Variants in NHSL1 observed in about 807,000 individuals in gnomAD.
The protein encoded by NHSL1 is NHS-like protein 1.
NHSL1 carries 48 observed loss-of-function variants against 95.0 expected under a neutral mutation model. That is an observed-to-expected ratio of 0.51 (90% confidence interval 0.40 to 0.64). The LOEUF (loss-of-function observed/expected upper bound fraction) is 0.64, where lower values mean the gene tolerates loss of function less well. NHSL1 is among the 30% of genes least tolerant of loss of function. NHSL1 has a pLI of 0.00. For missense variants in NHSL1, 1,971 were observed against 2,077.7 expected (o/e 0.95, Z 1.00); for synonymous variants, 783 against 833.9 (o/e 0.94, Z 1.05).
chr6:138,496,827 TC>T (rs1306228245), intron 1 of NHSL1, among the ~76,000 whole-genome samples: 31 of 152,176 alleles, frequency 2.0e-4, no homozygotes, highest in African/African-American at 7.2e-4. Flanking sequence ...ACAAATATTC[TC>T]CCTCTACAGC....
chr6:138,691,876 C>T (rs975777456), intron 1 of NHSL1: 2 of 456,472 alleles, frequency 4.4e-6, no homozygotes, highest in Non-Finnish European at 8.8e-6. Context: ...TCACAAAGAG[C>T]TGGTGGGTCA....
At chr6:138,650,274 C>G (rs1253086601) in intron 1 of NHSL1, 6 of 659,722 alleles carry the variant, frequency 9.1e-6, no homozygotes, top group Non-Finnish European at 1.7e-5. Flanking sequence ...CAGGCTGGAG[C>G]CTTGGAAGAG....
chr6:138,464,204 G>A, intron 3 of NHSL1: 1 of 737,110 alleles, frequency 1.4e-6, no homozygotes, highest in South Asian at 1.7e-5. Flanking sequence ...CCTGACAGAG[G>A]CTGAGAGGCT....
At chr6:138,433,954 C>T (rs1775895985) in intron 5 of NHSL1, among the ~76,000 whole-genome samples, 1 of 152,110 alleles carries the variant, frequency 6.6e-6, no homozygotes, top group Admixed American at 6.5e-5. Flanking sequence ...CCTTCAAGAT[C>T]AAGGCTGCCA....
chr6:138,604,193 C>T (rs2114571474), intron 1 of NHSL1, among the ~76,000 whole-genome samples: 1 of 152,120 alleles, frequency 6.6e-6, no homozygotes, highest in Middle Eastern at 3.4e-3. Flanking sequence ...ACACCTTTCC[C>T]ATCAGTCAAC....
At chr6:138,596,790 C>T (rs956065311) in intron 1 of NHSL1, among the ~76,000 whole-genome samples, 2 of 152,050 alleles carry the variant, frequency 1.3e-5, no homozygotes, top group African/African-American at 4.8e-5. Flanking sequence ...GTTCTGAAAG[C>T]TTCCATGAGA....
chr6:138,449,808 G>A (rs779824154), intron 3 of NHSL1, among the ~76,000 whole-genome samples: 9 of 151,938 alleles, frequency 5.9e-5, no homozygotes, highest in East Asian at 1.9e-4. Flanking sequence ...AAAGGCATGT[G>A]GAAAAGATAA....
chr6:138,422,765 A>G lies in NHSL1; in HGVS notation c.*1316T>C, dbSNP rs928019497. 1 of 152,242 alleles carries G rather than the reference A, an allele frequency of 6.6e-6. No individual in the cohort carries two copies. The highest frequency in any genetic ancestry group is 1.5e-5 in the Non-Finnish European group (1 of 68,038). 9.4% of individuals were successfully genotyped at this position (152,242 alleles called of 1,614,324 possible). A position where few individuals can be genotyped will look rare whatever the true frequency, so the allele number is the denominator to read the frequency against. ...TAATTAGCAACTCAATTATTTATAA[A>G]CAAATATAAAAATGCACAAACCAAA... is the stretch of plus-strand genomic sequence containing the variant. On this transcript the variant is annotated 3_prime_UTR_variant, in exon 8 of 8. Coordinates refer to ENST00000343505, the MANE Select transcript of NHSL1 (RefSeq NM_001144060.2).
upstream of NHSL1, among the ~76,000 whole-genome samples, chr6:138,574,630 C>T (rs962225794): frequency 8.7e-5 from 13 of 148,758 alleles, no homozygotes; most frequent in African/African-American, 3.0e-4. Context: ...AGTTCAAGCT[C>T]GGCCTGGGAA....
intron 1 of NHSL1, among the ~76,000 whole-genome samples, chr6:138,521,892 G>GA (rs1432878460): frequency 1.3e-5 from 2 of 152,280 alleles, no homozygotes; most frequent in African/African-American, 4.8e-5. Context: ...AACATCAAGG[G>GA]AAAGAGGGCA....
At chr6:138,507,155 C>T (rs1295876755) in intron 1 of NHSL1, among the ~76,000 whole-genome samples, 1 of 152,210 alleles carries the variant, frequency 6.6e-6, no homozygotes, top group Non-Finnish European at 1.5e-5. Context: ...ACCGGCCAGG[C>T]ATCTCCCTAA....
intron 2 of NHSL1, among the ~76,000 whole-genome samples, chr6:138,492,776 G>A (rs745974671): frequency 3.3e-5 from 5 of 152,102 alleles, no homozygotes; most frequent in African/African-American, 9.7e-5. Context: ...ATTTAATGGC[G>A]ATGAAAAAGG....
At chr6:138,603,460 G>C (rs1784395925) in intron 1 of NHSL1, among the ~76,000 whole-genome samples, 1 of 152,118 alleles carries the variant, frequency 6.6e-6, no homozygotes, top group African/African-American at 2.4e-5. Context: ...TATGAGGTTT[G>C]GTGGTACCTG....
At chr6:138,453,991 AATC>A (rs1250053445) in intron 3 of NHSL1, among the ~76,000 whole-genome samples, 2 of 151,918 alleles carry the variant, frequency 1.3e-5, no homozygotes, top group African/African-American at 2.4e-5. Flanking sequence ...AGTTGTTTGT[AATC>A]ATATTTTAGA....
intron 2 of NHSL1, among the ~76,000 whole-genome samples, chr6:138,480,512 C>G (rs1779354923): frequency 6.6e-6 from 1 of 152,138 alleles, no homozygotes; most frequent in Non-Finnish European, 1.5e-5. Context: ...TGTCATTTTT[C>G]CGGTCATGGG....
intron 1 of NHSL1, among the ~76,000 whole-genome samples, chr6:138,658,124 C>T (rs1785181918): frequency 6.6e-6 from 1 of 152,052 alleles, no homozygotes; most frequent in Admixed American, 6.6e-5. Flanking sequence ...GTCTCTCTAA[C>T]TCTCCACCTC....
At chr6:138,687,951 T>C (rs1785607229) in intron 1 of NHSL1, among the ~76,000 whole-genome samples, 1 of 152,142 alleles carries the variant, frequency 6.6e-6, no homozygotes, top group Non-Finnish European at 1.5e-5. Context: ...CCCTAAATTG[T>C]ACACTTTTTT....
intron 1 of NHSL1, among the ~76,000 whole-genome samples, chr6:138,674,502 T>A (rs1241542455): frequency 3.3e-5 from 5 of 152,108 alleles, no homozygotes; most frequent in East Asian, 3.9e-4. Context: ...CCAGTAAGTG[T>A]TGTTCCCCTC....
chr6:138,424,744 G>C lies in NHSL1; in HGVS notation c.4158C>G (p.Pro1386=). The change falls in exon 8 of 8, where the codon CCC becomes CCG. Residue 1386 remains proline (P), a synonymous_variant. Transcript: ENST00000343505. This position sits in a 1 kb window ranked among gnomAD's most constrained non-coding sequence, Gnocchi z 5.9. ...DHSRNHSPSP[P]VTPTGAAPSL... is the part of the protein sequence containing the mutation. ...TTGGGGCAGCGCCGGTGGGTGTCAC[G>C]GGCGGGGAGGGAGAATGGTTTCGGG... The C allele has an allele frequency of 6.4e-7, 1 of 1,550,776 alleles. No individual in the cohort carries two copies. The highest frequency in any genetic ancestry group is 2.0e-5 in the Admixed American group (1 of 50,992).
Sources: gnomAD v4.1 joint callset for allele counts (sites outside exome capture counted in the v4.1 genomes callset) on GRCh38, gnomAD v4.1.1 for gene constraint, Gnocchi (gnomAD v3.1) non-coding constraint, MANE v1.5 for transcripts, NCBI Gene and HGNC (gene_info 2026-07-23, HGNC 2026-07-21) for gene names.